KCTD16: variants seen among roughly 807,000 people sequenced by gnomAD.
The protein encoded by KCTD16 is BTB/POZ domain-containing protein KCTD16.
A neutral mutation model predicts 33.2 loss-of-function variants in KCTD16; 13 were observed. That is an observed-to-expected ratio of 0.39 (90% CI 0.25 to 0.62). The LOEUF is 0.62. KCTD16 is among the 20% of genes least tolerant of loss of function. The probability of loss-of-function intolerance (pLI) is 0.50; values close to 1 mark genes in which losing one functional copy is unlikely to be tolerated. For missense variants in KCTD16, 441 were observed against 525.1 expected (o/e 0.84, Z 1.57); for synonymous variants, 197 against 195.3 (o/e 1.01, Z -0.07).
intron 3 of KCTD16, among the ~76,000 whole-genome samples, chr5:144,355,040 A>C (rs913703820): frequency 2.6e-4 from 39 of 152,268 alleles, no homozygotes; most frequent in African/African-American, 8.2e-4. Flanking sequence ...GGGTGATTTT[A>C]TCAACCTAAT....
At chr5:144,320,908 T>G (rs1382957696) in intron 3 of KCTD16, among the ~76,000 whole-genome samples, 2 of 152,128 alleles carry the variant, frequency 1.3e-5, no homozygotes, top group Non-Finnish European at 2.9e-5. Flanking sequence ...CAGGCTGGAG[T>G]GCAATGGCGT....
intron 3 of KCTD16, among the ~76,000 whole-genome samples, chr5:144,456,485 G>T (rs759775864): frequency 6.6e-6 from 1 of 152,074 alleles, no homozygotes; most frequent in Non-Finnish European, 1.5e-5. Flanking sequence ...ACGCACACAG[G>T]GGGGTCAGGG....
At chr5:144,366,101 C>T (rs1751826732) in intron 3 of KCTD16, among the ~76,000 whole-genome samples, 1 of 152,072 alleles carries the variant, frequency 6.6e-6, no homozygotes, top group African/African-American at 2.4e-5. Flanking sequence ...GGAATGTACA[C>T]TCATACATAT....
At chr5:144,284,208 C>T (rs1334485592) in intron 3 of KCTD16, among the ~76,000 whole-genome samples, 1 of 152,180 alleles carries the variant, frequency 6.6e-6, no homozygotes, top group Non-Finnish European at 1.5e-5. Context: ...CTGGCCAGGC[C>T]TAGGTCTAGA....
rs181566701 is a variant in KCTD16, at chr5:144,380,279, A to G, written c.833-93381A>G. 4.5e-4 allele frequency among the ~76,000 whole-genome samples: 68 copies of G among 152,300 alleles called. 1 individual carries two copies. Among genetic ancestry groups the G allele is most frequent in the Admixed American group, 3.1e-3 (47 of 15,286 alleles). On this transcript the variant is annotated intron_variant, in intron 3 of 3. Transcript: ENST00000512467. The stretch of plus-strand genomic sequence containing the variant: ...AATAAAATACCTAGGAATACAGCTT[A>G]CCAAGGAGGTAAATGATATTTACAA...
rs368174139 is a variant in KCTD16 at position 144,315,538 on chromosome 5, T to C, written c.832+107992T>C. On this transcript the variant is annotated intron_variant, in intron 3 of 3. Coordinates refer to ENST00000512467, the MANE Select transcript of KCTD16 (RefSeq NM_020768.4). Reference sequence around the variant, plus strand: ...AATCTCATCCCAAATATAATGATGATTATAATAAAAATCAAAATAACATCT... The same window carrying C: ...AATCTCATCCCAAATATAATGATGACTATAATAAAAATCAAAATAACATCT... 3.8e-4 allele frequency among the ~76,000 whole-genome samples: 58 copies of C among 152,252 alleles called. 1 individual carries two copies. In the South Asian group the frequency reaches 0.011, roughly 28 times the overall value.
At chr5:144,203,516 C>T (rs1174138703) in intron 2 of KCTD16, among the ~76,000 whole-genome samples, 1 of 152,276 alleles carries the variant, frequency 6.6e-6, no homozygotes, top group East Asian at 1.9e-4. Context: ...CTGAACCTCT[C>T]TGTTCCTCAG....
chr5:144,400,170 G>T (rs540321142), intron 3 of KCTD16, among the ~76,000 whole-genome samples: 1 of 152,330 alleles, frequency 6.6e-6, no homozygotes, highest in African/African-American at 2.4e-5. Context: ...TACAGTTCTT[G>T]TGGGGATAGG....
At chr5:144,249,553 G>T (rs898649822) in intron 3 of KCTD16, among the ~76,000 whole-genome samples, 1 of 152,098 alleles carries the variant, frequency 6.6e-6, no homozygotes, top group Non-Finnish European at 1.5e-5. Context: ...GAAAGGAGTT[G>T]GTGGAGAGAA....
At chr5:144,455,539 C>T (rs1182541033) in intron 3 of KCTD16, among the ~76,000 whole-genome samples, 2 of 152,144 alleles carry the variant, frequency 1.3e-5, no homozygotes, top group Non-Finnish European at 2.9e-5. Context: ...GGGCAAGACA[C>T]AACTACTGTG....
intron 3 of KCTD16, among the ~76,000 whole-genome samples, chr5:144,462,950 A>G (rs542227980): frequency 1.3e-4 from 20 of 152,324 alleles, no homozygotes; most frequent in African/African-American, 4.8e-4. Flanking sequence ...ATGCATTTGT[A>G]TGAAATTAAT....
At chr5:144,193,576 AATG>A (rs769647383) in intron 2 of KCTD16, among the ~76,000 whole-genome samples, 3 of 152,126 alleles carry the variant, frequency 2.0e-5, no homozygotes, top group Non-Finnish European at 4.4e-5. Flanking sequence ...CACTATATGA[AATG>A]ATCTTGCTCA....
At chr5:144,228,153 A>G (rs1234246603) in intron 3 of KCTD16, among the ~76,000 whole-genome samples, 1 of 152,184 alleles carries the variant, frequency 6.6e-6, no homozygotes, top group Non-Finnish European at 1.5e-5. Flanking sequence ...GAAGTAATGC[A>G]GTAAGAAAAG....
chr5:144,455,839 A>T (rs1428471240), intron 3 of KCTD16, among the ~76,000 whole-genome samples: 7 of 152,178 alleles, frequency 4.6e-5, no homozygotes, highest in Admixed American at 4.6e-4. Flanking sequence ...TAGCAGGCAT[A>T]TTTATCCTAG....
At chr5:144,287,201 A>G (rs59225615) in intron 3 of KCTD16, among the ~76,000 whole-genome samples, 35,420 of 152,020 alleles carry the variant, frequency 0.23, 4,365 homozygotes, top group Non-Finnish European at 0.28. Flanking sequence ...AGGCAAGATC[A>G]TCAGAAAGTC....
At chr5:144,411,580 G>A (rs1183571308) in intron 3 of KCTD16, among the ~76,000 whole-genome samples, 1 of 152,104 alleles carries the variant, frequency 6.6e-6, no homozygotes, top group Admixed American at 6.6e-5. Flanking sequence ...TTATTGAAGT[G>A]TTAGAGAAAA....
intron 3 of KCTD16, 53 bp from the exon 4 acceptor site, chr5:144,473,607 C>G: frequency 6.7e-7 from 1 of 1,489,366 alleles, no homozygotes; most frequent in African/African-American, 1.4e-5. Flanking sequence ...TATACTGCTA[C>G]TCCAACTGAC....
intron 3 of KCTD16, among the ~76,000 whole-genome samples, chr5:144,330,084 A>T (rs531276476): frequency 6.6e-6 from 1 of 152,252 alleles, no homozygotes; most frequent in East Asian, 1.9e-4. Flanking sequence ...TTGAAATAAT[A>T]TGTACATTCC....
rs1754950512 is a variant in KCTD16, at chr5:144,259,592, C to A, written c.832+52046C>A. On this transcript the variant is annotated intron_variant, in intron 3 of 3. Transcript: ENST00000512467. ...GAGTGGCTAAAGAAATGGGTGTTTC[C>A]ATTTGTTTGGATTCATCCTTTCTTT... is the stretch of plus-strand genomic sequence containing the variant. Among the ~76,000 whole-genome samples, 3 of 152,198 alleles carry A rather than the reference C, an allele frequency of 2.0e-5. 1 individual carries two copies. In the South Asian group the frequency reaches 6.2e-4, roughly 32 times the overall value.
Sources: gnomAD v4.1 joint callset for allele counts (sites outside exome capture counted in the v4.1 genomes callset) on GRCh38, gnomAD v4.1.1 for gene constraint, MANE v1.5 for transcripts, NCBI Gene and HGNC (gene_info 2026-07-23, HGNC 2026-07-21) for gene names.